The following TRHDE variants were observed in gnomAD, a reference collection of about 807,000 sequenced individuals.
TRHDE encodes thyrotropin-releasing hormone-degrading ectoenzyme.
A neutral mutation model predicts 125.7 loss-of-function variants in TRHDE; 72 were observed. The observed-to-expected ratio is 0.57, with a 90% CI of 0.47 to 0.70. The LOEUF is 0.70. Among genes scored for constraint, TRHDE ranks in the 30% least tolerant of loss-of-function variants. TRHDE has a pLI of 0.00. For synonymous variants in TRHDE, 509 were observed against 509.1 expected (o/e 1.00, Z 0.00); for missense variants, 1,110 against 1,327.1 (o/e 0.84, Z 2.54).
chr12:72,381,617 C>T lies in TRHDE; in HGVS notation c.1315+3496C>T, dbSNP rs912548362. ...TTCACCGTTTTAGCCGGGATGGTCT[C>T]GATCTCCTGACCTCGTGATCCGCCC... On this transcript the variant is annotated intron_variant, in intron 3 of 18. Coordinates refer to ENST00000261180, the MANE Select transcript of TRHDE (RefSeq NM_013381.3). Among the ~76,000 whole-genome samples the T allele has an allele frequency of 2.0e-4, 31 of 152,010 alleles. No homozygotes were observed. In the Middle Eastern group the frequency reaches 0.01, roughly 50 times the overall value.
At chr12:72,383,707 G>T (rs543879032) in intron 3 of TRHDE, among the ~76,000 whole-genome samples, 1 of 149,500 alleles carries the variant, frequency 6.7e-6, no homozygotes, top group East Asian at 2.0e-4. Flanking sequence ...AGCTTTTTCT[G>T]GTAATTTCTG....
At chr12:72,166,907 C>CGTGTGTGTGT (rs59590935) in intron 2 of TRHDE, among the ~76,000 whole-genome samples, 57 of 139,330 alleles carry the variant, frequency 4.1e-4, no homozygotes, top group East Asian at 2.2e-3. Context: ...GGTAGATGAA[C>CGTGTGTGTGT]GTGTGTGTGT....
intron 2 of TRHDE, among the ~76,000 whole-genome samples, chr12:72,319,069 G>C (rs530620028): frequency 1.3e-5 from 2 of 152,102 alleles, no homozygotes; most frequent in Non-Finnish European, 2.9e-5. Flanking sequence ...TGAATGAATG[G>C]GTAGGATGGG....
chr12:72,226,455 G>T (rs1440565653), intron 2 of TRHDE, among the ~76,000 whole-genome samples: 1 of 152,020 alleles, frequency 6.6e-6, no homozygotes, highest in East Asian at 1.9e-4. Context: ...TTATTTTGGG[G>T]AAACTCTTTA....
intron 2 of TRHDE, among the ~76,000 whole-genome samples, chr12:72,307,680 C>T (rs546841248): frequency 1.3e-3 from 204 of 152,174 alleles, no homozygotes; most frequent in Middle Eastern, 3.4e-3. Flanking sequence ...CAAGAGAACT[C>T]GAGAAATACT....
intron 7 of TRHDE, 108 bp from the exon 8 acceptor site, chr12:72,562,057 T>C (rs1290111136): frequency 5.5e-6 from 3 of 542,816 alleles, no homozygotes; most frequent in Admixed American, 6.9e-5. Flanking sequence ...TTATGTCCTT[T>C]TTTATTAATA....
chr12:72,446,080 G>A lies in TRHDE; in HGVS notation c.1316-23678G>A, dbSNP rs1382110883. 5.3e-5 allele frequency among the ~76,000 whole-genome samples: 8 copies of A among 151,202 alleles called. 1 individual carries two copies. The highest frequency in any genetic ancestry group is 3.4e-3 in the Middle Eastern group (1 of 290). On this transcript the variant is annotated intron_variant, in intron 3 of 18. Transcript: ENST00000261180. ...GTGCTTCTCAAATTTTAATTTACAT[G>A]TGAATCACCTGGGGACCTGTCAAAA...
At chr12:72,178,189 T>A (rs1411726429) in intron 2 of TRHDE, among the ~76,000 whole-genome samples, 1 of 152,086 alleles carries the variant, frequency 6.6e-6, no homozygotes, top group Non-Finnish European at 1.5e-5. Flanking sequence ...GGGAGAGTAT[T>A]TACTTTGACT....
chr12:72,653,144 T>C lies in TRHDE; in HGVS notation c.2972T>C (p.Ile991Thr), dbSNP rs1404405615. ...AWKFFRDKWK[I>T]LNTRYGEALF... The stretch of plus-strand genomic sequence containing the variant: ...AAGTTTTTCAGGGATAAATGGAAGA[T>C]ATTAAATACCAGGTAGAAATTAGAA... The change falls in exon 17 of 19, where the codon ATA (isoleucine) becomes ACA (threonine). Residue 991 changes from isoleucine (I) to threonine (T), a missense_variant. Ile to Thr is a moderately conservative substitution (Grantham distance 89). This residue lies in a region of TRHDE where 527 missense variants were observed against 651.8 expected (regional missense o/e 0.81). Transcript: ENST00000261180. 1.2e-6 allele frequency: 2 copies of C among 1,607,946 alleles called. No individual in the cohort carries two copies. Among genetic ancestry groups the C allele is most frequent in the Admixed American group, 1.7e-5 (1 of 59,188 alleles).
chr12:72,528,200 C>T (rs987617885), intron 6 of TRHDE, among the ~76,000 whole-genome samples: 21 of 152,164 alleles, frequency 1.4e-4, no homozygotes, highest in East Asian at 1.2e-3. Flanking sequence ...TTATTTGTGA[C>T]GTTTTCTGGC....
At chr12:72,424,128 A>C (rs1874084522) in intron 3 of TRHDE, among the ~76,000 whole-genome samples, 1 of 152,164 alleles carries the variant, frequency 6.6e-6, no homozygotes, top group Non-Finnish European at 1.5e-5. Flanking sequence ...TTAACAGCCC[A>C]AAACTAAGGT....
intron 3 of TRHDE, among the ~76,000 whole-genome samples, chr12:72,466,113 T>A (rs1876359987): frequency 6.6e-6 from 1 of 152,168 alleles, no homozygotes; most frequent in Admixed American, 6.5e-5. Context: ...CCTGCTTAGG[T>A]CACCAGTGCC....
chr12:72,365,942 A>G (rs907908044), intron 2 of TRHDE, among the ~76,000 whole-genome samples: 2 of 152,032 alleles, frequency 1.3e-5, no homozygotes, highest in Middle Eastern at 3.2e-3. Context: ...CCAGCTTCTA[A>G]TACTGCATCC....
At chr12:72,470,419 T>C (rs1876586155) in intron 4 of TRHDE, among the ~76,000 whole-genome samples, 1 of 152,242 alleles carries the variant, frequency 6.6e-6, no homozygotes, top group Non-Finnish European at 1.5e-5. Context: ...ATGATTGATA[T>C]TTTTTGTCTT....
intron 13 of TRHDE, among the ~76,000 whole-genome samples, chr12:72,620,523 T>TA (rs201923705): frequency 9.1e-4 from 138 of 151,772 alleles, no homozygotes; most frequent in African/African-American, 3.0e-3. Flanking sequence ...AGACCCTGTC[T>TA]AAAAAAACAA....
intron 12 of TRHDE, among the ~76,000 whole-genome samples, chr12:72,601,598 C>A (rs986429096): frequency 6.6e-6 from 1 of 152,064 alleles, no homozygotes; most frequent in African/African-American, 2.4e-5. Flanking sequence ...ATGCAGCAAA[C>A]GTGATTGTTG....
intron 3 of TRHDE, among the ~76,000 whole-genome samples, chr12:72,415,843 A>G (rs1171920249): frequency 6.6e-6 from 1 of 152,110 alleles, no homozygotes; most frequent in Non-Finnish European, 1.5e-5. Context: ...TGCAGTAAAC[A>G]TGGGAGTGAG....
At chr12:72,519,699 C>A (rs1170634514) in intron 6 of TRHDE, among the ~76,000 whole-genome samples, 3 of 152,198 alleles carry the variant, frequency 2.0e-5, no homozygotes, top group African/African-American at 7.2e-5. Flanking sequence ...AACTGCGTTC[C>A]TTTGGAGGAG....
chr12:72,428,865 G>A (rs114119387), intron 3 of TRHDE, among the ~76,000 whole-genome samples: 9 of 152,112 alleles, frequency 5.9e-5, no homozygotes, highest in African/African-American at 2.2e-4. Context: ...ATGTGGTTTT[G>A]GTGGCTGGCT....
Sources: gnomAD v4.1 joint callset for allele counts (sites outside exome capture counted in the v4.1 genomes callset) on GRCh38, gnomAD v4.1.1 for gene constraint, gnomAD v4.1.1 regional missense constraint, MANE v1.5 for transcripts, NCBI Gene and HGNC (gene_info 2026-07-23, HGNC 2026-07-21) for gene names.